The following SRGAP1 variants were observed in gnomAD, a reference collection of about 807,000 sequenced individuals.
SRGAP1 encodes SLIT-ROBO Rho GTPase activating protein 1.
A neutral mutation model predicts 121.9 loss-of-function variants in SRGAP1; 43 were observed. The ratio of observed to expected loss-of-function variants is 0.35; its 90% CI spans 0.28 to 0.46. SRGAP1 has a LOEUF of 0.46. Among genes scored for constraint, SRGAP1 ranks in the 20% least tolerant of loss-of-function variants. The pLI, the probability that SRGAP1 is intolerant of heterozygous loss-of-function variation, is 1.00. For synonymous variants in SRGAP1, 447 were observed against 485.4 expected, an observed-to-expected ratio of 0.92 and a Z score of 1.04; for missense variants, 1,102 against 1,350.9, an observed-to-expected ratio of 0.82 and a Z score of 2.89.
At chr12:64,069,869 G>A (rs2035608993) in intron 8 of SRGAP1, among the ~76,000 whole-genome samples, 1 of 152,008 alleles carries the variant, frequency 6.6e-6, no homozygotes, top group African/African-American at 2.4e-5. Flanking sequence ...TATTGTTCAT[G>A]AATTTTGTTC....
intron 1 of SRGAP1, among the ~76,000 whole-genome samples, chr12:63,892,307 C>T (rs1900613542): frequency 6.6e-6 from 1 of 152,080 alleles, no homozygotes; most frequent in South Asian, 2.1e-4. Context: ...TAATGAAAAA[C>T]AGCCCTGAAA....
At chr12:64,019,440 G>A (rs2034492388) in intron 4 of SRGAP1, among the ~76,000 whole-genome samples, 1 of 152,128 alleles carries the variant, frequency 6.6e-6, no homozygotes, top group East Asian at 1.9e-4. Context: ...AAGTAATGAG[G>A]TTTTAATTAT....
At chr12:63,854,825 A>T (rs1899185867) in intron 1 of SRGAP1, among the ~76,000 whole-genome samples, 1 of 152,198 alleles carries the variant, frequency 6.6e-6, no homozygotes, top group African/African-American at 2.4e-5. Flanking sequence ...AGTGTATAAA[A>T]TGCTGTAGGT....
chr12:64,025,596 A>G (rs984279148), intron 4 of SRGAP1, among the ~76,000 whole-genome samples: 1 of 152,246 alleles, frequency 6.6e-6, no homozygotes, highest in African/African-American at 2.4e-5. Context: ...AGGAATATGT[A>G]AAACGCTCCC....
chr12:63,952,707 T>A (rs2032337308), intron 1 of SRGAP1, among the ~76,000 whole-genome samples: 1 of 152,178 alleles, frequency 6.6e-6, no homozygotes, highest in Admixed American at 6.5e-5. Context: ...AAAAATATCT[T>A]GATGAAGCCC....
intron 1 of SRGAP1, among the ~76,000 whole-genome samples, chr12:63,930,972 A>G (rs930725528): frequency 6.6e-6 from 1 of 152,178 alleles, no homozygotes; most frequent in African/African-American, 2.4e-5. Context: ...AGACTGGTTT[A>G]TAATTCTAAT....
intron 3 of SRGAP1, among the ~76,000 whole-genome samples, chr12:64,004,935 A>G (rs192265476): frequency 7.5e-4 from 114 of 152,334 alleles, no homozygotes; most frequent in African/African-American, 2.5e-3. Flanking sequence ...GCTGTAAGAA[A>G]TGCCATATTG....
intron 1 of SRGAP1, among the ~76,000 whole-genome samples, chr12:63,890,172 T>C (rs1290486373): frequency 6.6e-6 from 1 of 152,144 alleles, no homozygotes; most frequent in Non-Finnish European, 1.5e-5. Flanking sequence ...TATTCTTAGC[T>C]CACACCTCTC....
At chr12:64,055,983 G>C (rs960302418) in intron 6 of SRGAP1, among the ~76,000 whole-genome samples, 1 of 152,014 alleles carries the variant, frequency 6.6e-6, no homozygotes, top group East Asian at 1.9e-4. Flanking sequence ...TGTCTAACAG[G>C]CATCTTGAAC....
chr12:63,852,207 T>A (rs1423872883), intron 1 of SRGAP1, among the ~76,000 whole-genome samples: 1 of 152,072 alleles, frequency 6.6e-6, no homozygotes, highest in Admixed American at 6.5e-5. Flanking sequence ...CAGGCTGGTT[T>A]CAAACTCCCA....
At position 64,142,796 on chromosome 12, in the gene SRGAP1, T is replaced by C. The variant is rs2036988130; in HGVS notation, c.*124T>C. 1 of 1,339,146 alleles carries C rather than the reference T, an allele frequency of 7.5e-7. No homozygotes were observed. The highest frequency in any genetic ancestry group is 1.5e-5 in the South Asian group (1 of 66,136). The allele number at this position is 1,339,146 out of a possible 1,614,324, so 83.0% of individuals were successfully genotyped here. ...ATAACTGGAGATCTTTTGGCTTTTC[T>C]ATGTTGTCGAATGTAATGTCTGAGA... On this transcript the variant is annotated 3_prime_UTR_variant, in exon 22 of 22. Transcript: ENST00000355086.
At chr12:64,045,727 C>G (rs1161894408) in intron 6 of SRGAP1, among the ~76,000 whole-genome samples, 2 of 152,058 alleles carry the variant, frequency 1.3e-5, no homozygotes, top group African/African-American at 2.4e-5. Context: ...AACGTGCCAC[C>G]GTGCCCAGCC....
At chr12:63,983,835 TATATATATATATATA>T (rs1565981728) in intron 1 of SRGAP1, 97 bp from the exon 2 acceptor site, 10 of 119,424 alleles carry the variant, frequency 8.4e-5, no homozygotes, top group African/African-American at 3.6e-4. Flanking sequence ...TATATATATA[TATATATATATATATA>T]TATATTTATA....
At chr12:63,900,322 C>T (rs1157448802) in intron 1 of SRGAP1, among the ~76,000 whole-genome samples, 2 of 150,770 alleles carry the variant, frequency 1.3e-5, no homozygotes, top group African/African-American at 4.9e-5. Flanking sequence ...TCTCCTGCCT[C>T]AGCCTCCTGA....
chr12:64,007,350 C>T (rs771650203), intron 3 of SRGAP1, among the ~76,000 whole-genome samples: 15 of 152,110 alleles, frequency 9.9e-5, no homozygotes, highest in Non-Finnish European at 2.1e-4. Context: ...TCATAAGGAG[C>T]ACATAACCTA....
At position 64,150,435 on chromosome 12, in the gene SRGAP1, A is replaced by G. The variant is rs184397504; in HGVS notation, c.*7763A>G. 4 of 152,168 alleles carry G rather than the reference A, an allele frequency of 2.6e-5. No homozygotes were observed. The highest frequency in any genetic ancestry group is 5.9e-5 in the Non-Finnish European group (4 of 68,016). 9.4% of individuals were successfully genotyped at this position (152,168 alleles called of 1,614,324 possible). ...CTTTTGATGAATTACCCTCTCAATG[A>G]TGGTGTATTGTTCTAATCTTCTGTC... On this transcript the variant is annotated 3_prime_UTR_variant, in exon 22 of 22. Transcript: ENST00000355086.
At chr12:63,872,690 A>G (rs532047372) in intron 1 of SRGAP1, among the ~76,000 whole-genome samples, 1 of 152,342 alleles carries the variant, frequency 6.6e-6, no homozygotes, top group South Asian at 2.1e-4. Context: ...TATCAAGGAC[A>G]GGGATTTGTT....
intron 3 of SRGAP1, among the ~76,000 whole-genome samples, chr12:64,006,103 G>C (rs2136445767): frequency 6.6e-6 from 1 of 152,294 alleles, no homozygotes; most frequent in Middle Eastern, 3.4e-3. Flanking sequence ...ATTGAGTAAA[G>C]CATTCTGGCT....
chr12:63,928,658 G>A (rs2031350857), intron 1 of SRGAP1, among the ~76,000 whole-genome samples: 1 of 152,044 alleles, frequency 6.6e-6, no homozygotes, highest in Non-Finnish European at 1.5e-5. Flanking sequence ...TGGACTGGGG[G>A]TGGGGGCGGT....
Sources: allele counts gnomAD v4.1 joint callset (sites outside exome capture counted in the v4.1 genomes callset), GRCh38; gene constraint gnomAD v4.1.1; transcripts MANE v1.5; gene names NCBI Gene and HGNC (gene_info 2026-07-23, HGNC 2026-07-21).